EP300: variants seen among roughly 807,000 people sequenced by gnomAD.
The protein encoded by EP300 is histone acetyltransferase p300.
Under a neutral mutation model 264.0 loss-of-function variants are expected in EP300, and 31 were observed. That is an observed-to-expected ratio of 0.12 (90% CI 0.09 to 0.16). The LOEUF (loss-of-function observed/expected upper bound fraction) is 0.16. Ranked by LOEUF, EP300 falls within the 10% of genes least tolerant of loss-of-function variation. The pLI, the probability that EP300 is intolerant of heterozygous loss-of-function variation, is 1.00. For missense variants in EP300, 2,766 were observed against 3,052.9 expected, an observed-to-expected ratio of 0.91 and a Z score of 2.21; for synonymous variants, 1,340 against 1,045.4, an observed-to-expected ratio of 1.28 and a Z score of -5.44.
Position 41,151,973 on chromosome 22 carries a change from A to T in EP300, c.2958A>T (p.Gln986His). Residue 986 changes from glutamine (Q) to histidine (H), a missense_variant, in exon 15 of 31, where the codon CAA (glutamine) becomes CAT (histidine). Physicochemically the swap from Gln to His is conservative, Grantham distance 24. Transcript: ENST00000263253. ...TGGAGGCCAAAATGGAAGTGGATCA[A>T]CCAGAACCAGCAGATACTCAGCCGG... ...VKMEAKMEVD[Q>H]PEPADTQPED... 1 of 1,614,220 alleles carries T rather than the reference A, an allele frequency of 6.2e-7. No homozygotes were observed. Among genetic ancestry groups the T allele is most frequent in the South Asian group, 1.1e-5 (1 of 91,084 alleles).
At chr22:41,098,951 T>C (rs1005359784) in intron 1 of EP300, among the ~76,000 whole-genome samples, 2 of 152,182 alleles carry the variant, frequency 1.3e-5, no homozygotes, top group African/African-American at 4.8e-5. Context: ...ATTCTCTTTA[T>C]CAGATGCTTA....
At chr22:41,109,629 A>G (rs948980214) in intron 1 of EP300, among the ~76,000 whole-genome samples, 2 of 152,152 alleles carry the variant, frequency 1.3e-5, no homozygotes, top group Non-Finnish European at 2.9e-5. Flanking sequence ...AACACTTTAC[A>G]TTTATTCACT....
intron 1 of EP300, among the ~76,000 whole-genome samples, chr22:41,103,967 T>TC (rs3216438): frequency 0.52 from 79,396 of 152,062 alleles, 23,403 homozygotes; most frequent in Admixed American, 0.72. Context: ...TTGTTCAAGA[T>TC]CCATGCTTGG....
intron 1 of EP300, among the ~76,000 whole-genome samples, chr22:41,107,852 C>T (rs1466583729): frequency 6.6e-6 from 1 of 152,010 alleles, no homozygotes; most frequent in Non-Finnish European, 1.5e-5. Context: ...AGGCATGTGC[C>T]ACCACACCCA....
chr22:41,149,211 A>C (rs1601619074), intron 13 of EP300, 36 bp downstream of exon 13: 1 of 1,613,454 alleles, frequency 6.2e-7, no homozygotes, highest in South Asian at 1.1e-5. Flanking sequence ...CTTATTTTTG[A>C]TTCTTGAAAC....
rs1440862488 is a variant in EP300, at chr22:41,168,761, C to A, written c.4066C>A (p.Arg1356=). 6.2e-7 allele frequency: 1 copy of A among 1,614,110 alleles called. No homozygotes were observed. Among genetic ancestry groups the A allele is most frequent in the Non-Finnish European group, 8.5e-7 (1 of 1,180,026 alleles). ...SGEMAESFPY[R]TKALFAFEEI... ...AGAGATGGCAGAATCCTTTCCATAC[C>A]GAACCAAAGCCCTCTTTGCCTTTGA... The change falls in exon 25 of 31, where the codon CGA becomes AGA. Residue 1356 remains arginine, a synonymous_variant. Coordinates refer to ENST00000263253, the MANE Select transcript of EP300 (RefSeq NM_001429.4).
chr22:41,178,501 C>A lies in EP300; in HGVS notation c.6790C>A (p.Leu2264Ile). 1 of 1,614,114 alleles carries A rather than the reference C, an allele frequency of 6.2e-7. No individual in the cohort carries two copies. The highest frequency in any genetic ancestry group is 8.5e-7 in the Non-Finnish European group (1 of 1,179,994). Residue 2264 changes from leucine (L) to isoleucine (I), a missense_variant, in exon 31 of 31, where the codon CTC (leucine) becomes ATC (isoleucine). By Grantham distance (5) the Leu-to-Ile change is conservative. Transcript: ENST00000263253. ...CAGTCTACAGGCCTATCAGCAGCGA[C>A]TCCTTCAGCAACAGATGGGGTCCCC... The part of the protein sequence containing the change: ...GASLQAYQQR[L>I]LQQQMGSPVQ...
intron 27 of EP300, among the ~76,000 whole-genome samples, chr22:41,171,080 A>G (rs982803105): frequency 6.6e-6 from 1 of 151,428 alleles, no homozygotes; most frequent in Non-Finnish European, 1.5e-5. Flanking sequence ...TATAAGAAAA[A>G]CCAGGTTTTG....
At chr22:41,119,258 A>C (rs904508893) in intron 2 of EP300, among the ~76,000 whole-genome samples, 3 of 147,796 alleles carry the variant, frequency 2.0e-5, no homozygotes, top group Non-Finnish European at 4.4e-5. Context: ...CTTGGGCTCA[A>C]GTGATCCTCT....
intron 25 of EP300, 50 bp downstream of exon 25, chr22:41,168,917 C>T (rs776787226): frequency 1.9e-6 from 3 of 1,612,452 alleles, no homozygotes; most frequent in Non-Finnish European, 2.5e-6. Context: ...GGAGTTCCAA[C>T]TTATAATAGG....
intron 1 of EP300, among the ~76,000 whole-genome samples, chr22:41,116,130 T>C (rs2058820061): frequency 6.6e-6 from 1 of 152,238 alleles, no homozygotes; most frequent in Admixed American, 6.5e-5. Context: ...GCAACTCATG[T>C]AATAATGGGT....
intron 21 of EP300, among the ~76,000 whole-genome samples, chr22:41,163,390 C>G (rs1282823427): frequency 4.3e-5 from 6 of 139,922 alleles, no homozygotes; most frequent in Admixed American, 3.6e-4. Context: ...AGCCGAGATC[C>G]CGCCACTGCA....
At chr22:41,139,680 A>G (rs190058030) in intron 8 of EP300, among the ~76,000 whole-genome samples, 3 of 152,320 alleles carry the variant, frequency 2.0e-5, no homozygotes, top group Admixed American at 2.0e-4. Flanking sequence ...TGGTCTGTCC[A>G]CTTCAGGTTT....
intron 6 of EP300, among the ~76,000 whole-genome samples, chr22:41,134,999 C>A (rs2058942403): frequency 6.6e-6 from 1 of 152,160 alleles, no homozygotes; most frequent in South Asian, 2.1e-4. Context: ...CCTCCGCCTC[C>A]TGGGTTCAAG....
At chr22:41,094,730 T>C (rs2058692796) in intron 1 of EP300, among the ~76,000 whole-genome samples, 1 of 152,226 alleles carries the variant, frequency 6.6e-6, no homozygotes, top group East Asian at 1.9e-4. Context: ...TGTAATGTGG[T>C]AGTTTTTGCT....
chr22:41,108,456 C>T (rs559163020), intron 1 of EP300, among the ~76,000 whole-genome samples: 1 of 152,018 alleles, frequency 6.6e-6, no homozygotes, highest in Admixed American at 6.6e-5. Context: ...CTTCTACATT[C>T]CAGGCTGGCC....
At position 41,125,808 on chromosome 22, in the gene EP300, T is replaced by G. The variant is rs948450988; in HGVS notation, c.730-56T>G. ...CTTGGAAGTGAAATCAGAAAAGGAATAATAATGTCTTAAATTTTATTGCTT... is the reference window on the plus strand; with the variant it reads ...CTTGGAAGTGAAATCAGAAAAGGAAGAATAATGTCTTAAATTTTATTGCTT... On this transcript the variant is annotated intron_variant, in intron 2 of 30. Coordinates refer to ENST00000263253, the MANE Select transcript of EP300 (RefSeq NM_001429.4). 2.6e-6 allele frequency: 4 copies of G among 1,557,488 alleles called. No homozygotes were observed. In the Admixed American group the frequency reaches 6.8e-5, roughly 26 times the overall value.
At position 41,178,521 on chromosome 22, in the gene EP300, G is replaced by A. The variant is rs1457131592; in HGVS notation, c.6810G>A (p.Gly2270=). 4 of 1,614,030 alleles carry A rather than the reference G, an allele frequency of 2.5e-6. No individual in the cohort carries two copies. The highest frequency in any genetic ancestry group is 2.5e-6 in the Non-Finnish European group (3 of 1,179,994). ...YQQRLLQQQM[G]SPVQPNPMSP... is the part of the protein sequence containing the mutation. Reference sequence around the variant, plus strand: ...AGCGACTCCTTCAGCAACAGATGGGGTCCCCTGTTCAGCCCAACCCCATGA... The same window carrying A: ...AGCGACTCCTTCAGCAACAGATGGGATCCCCTGTTCAGCCCAACCCCATGA... The change falls in exon 31 of 31, where the codon GGG becomes GGA. Residue 2270 remains glycine, a synonymous_variant. Coordinates refer to ENST00000263253, the MANE Select transcript of EP300 (RefSeq NM_001429.4).
chr22:41,127,835 A>T, intron 4 of EP300, 87 bp downstream of exon 4: 1 of 1,539,494 alleles, frequency 6.5e-7, no homozygotes, highest in Non-Finnish European at 8.9e-7. Context: ...TTTTGTGGTG[A>T]TGGATATGTT....
Sources: gnomAD v4.1 joint callset for allele counts (sites outside exome capture counted in the v4.1 genomes callset) on GRCh38, gnomAD v4.1.1 for gene constraint, MANE v1.5 for transcripts, NCBI Gene and HGNC (gene_info 2026-07-23, HGNC 2026-07-21) for gene names.